The following PLCL2 variants were observed in gnomAD, a reference collection of about 807,000 sequenced individuals.
PLCL2 encodes phospholipase C like 2.
Under a neutral mutation model 79.6 loss-of-function variants are expected in PLCL2, and 4 were observed. The observed-to-expected ratio is 0.05, with a 90% CI of 0.02 to 0.11. The LOEUF (loss-of-function observed/expected upper bound fraction) is 0.11, where lower values mean the gene tolerates loss of function less well. PLCL2 is among the 10% of genes least tolerant of loss of function. The probability of loss-of-function intolerance (pLI) is 1.00; values close to 1 mark genes in which losing one functional copy is unlikely to be tolerated. For synonymous variants in PLCL2, 484 were observed against 457.7 expected (o/e 1.06, Z -0.73); for missense variants, 895 against 1,291.0 (o/e 0.69, Z 4.70).
rs1480554157 is a variant in PLCL2 at position 17,010,993 on chromosome 3, T to C, written c.1647T>C (p.Asn549=). 3.1e-6 allele frequency: 5 copies of C among 1,613,796 alleles called. No individual in the cohort carries two copies. In the African/African-American group the frequency reaches 5.3e-5, roughly 17 times the overall value. Residue 549 remains asparagine (N), a synonymous_variant, in exon 2 of 6, where the codon AAT becomes AAC. Coordinates refer to ENST00000615277, the MANE Select transcript of PLCL2 (RefSeq NM_001144382.2). The surrounding 1 kb of genome is among the most constrained non-coding windows in gnomAD (Gnocchi z 5.8). ...LGDKLYTTSP[N]VEESYLPSPD... is the part of the protein sequence containing the mutation. ...ACAAGCTCTATACAACATCACCCAA[T>C]GTTGAGGAATCTTATCTACCATCCC... is the stretch of plus-strand genomic sequence containing the variant.
At chr3:16,963,431 A>G (rs1268478076) in intron 1 of PLCL2, among the ~76,000 whole-genome samples, 1 of 152,186 alleles carries the variant, frequency 6.6e-6, no homozygotes, top group Non-Finnish European at 1.5e-5. Flanking sequence ...GAAAATGTAT[A>G]TTAGTAATTC....
At chr3:17,002,929 T>TA (rs1433107780) in intron 1 of PLCL2, among the ~76,000 whole-genome samples, 2 of 152,122 alleles carry the variant, frequency 1.3e-5, no homozygotes, top group African/African-American at 2.4e-5. Context: ...GTTTTTTTTT[T>TA]AACAGTATTT....
chr3:17,072,364 C>T (rs1024146497), intron 5 of PLCL2, among the ~76,000 whole-genome samples: 1 of 151,974 alleles, frequency 6.6e-6, no homozygotes, highest in Middle Eastern at 3.4e-3. Context: ...GTTGGTTGTC[C>T]TGCTATGAAA....
chr3:17,072,639 A>T lies in PLCL2; in HGVS notation c.3204+4574A>T, dbSNP rs1224655922. ...AGCCAAGATCATGCCACTGCACTCC[A>T]GCCTGGGTGACAGAGCGAGACTGTC... On this transcript the variant is annotated intron_variant, in intron 5 of 5. Coordinates refer to ENST00000615277, the MANE Select transcript of PLCL2 (RefSeq NM_001144382.2). 2.0e-5 allele frequency among the ~76,000 whole-genome samples: 3 copies of T among 151,054 alleles called. No individual in the cohort carries two copies. The South Asian group carries it at 6.3e-4, about 32-fold the overall frequency.
chr3:17,069,157 A>G (rs2065038206), intron 5 of PLCL2, among the ~76,000 whole-genome samples: 1 of 152,200 alleles, frequency 6.6e-6, no homozygotes, highest in South Asian at 2.1e-4. Context: ...CTTGATGCAT[A>G]CAAACCCTTC....
intron 1 of PLCL2, among the ~76,000 whole-genome samples, chr3:16,939,919 C>A (rs564714345): frequency 6.6e-6 from 1 of 152,240 alleles, no homozygotes; most frequent in East Asian, 1.9e-4. Context: ...AGGGAAGACC[C>A]AGGCACATGA....
chr3:16,974,971 C>T lies in PLCL2; in HGVS notation c.328-34703C>T, dbSNP rs184093411. ...GGAGTCTCCTGCTTCTGTTTAGTTT[C>T]GGTTCTGGTACTGGCCCTTTTTCCC... On this transcript the variant is annotated intron_variant, in intron 1 of 5. Transcript: ENST00000615277. 2.3e-3 allele frequency among the ~76,000 whole-genome samples: 346 copies of T among 152,228 alleles called. 2 individuals carry two copies. The highest frequency in any genetic ancestry group is 7.9e-3 in the African/African-American group (327 of 41,546).
At chr3:17,000,185 A>G (rs745648762) in intron 1 of PLCL2, among the ~76,000 whole-genome samples, 1 of 152,154 alleles carries the variant, frequency 6.6e-6, no homozygotes, top group Non-Finnish European at 1.5e-5. Context: ...CCTTTAAAAG[A>G]GAATAACTTT....
intron 5 of PLCL2, among the ~76,000 whole-genome samples, chr3:17,089,350 G>T (rs1055231814): frequency 2.0e-5 from 3 of 152,090 alleles, no homozygotes; most frequent in African/African-American, 7.2e-5. Context: ...GTATCCTTCT[G>T]TGAGTTTATA....
intron 5 of PLCL2, among the ~76,000 whole-genome samples, chr3:17,070,130 G>A (rs1450797900): frequency 2.0e-5 from 3 of 152,186 alleles, no homozygotes; most frequent in Non-Finnish European, 4.4e-5. Flanking sequence ...CTACTCATGT[G>A]TGGTCCGGGA....
chr3:17,046,450 G>A (rs1256681937), intron 4 of PLCL2, among the ~76,000 whole-genome samples: 1 of 152,120 alleles, frequency 6.6e-6, no homozygotes, highest in Non-Finnish European at 1.5e-5. Flanking sequence ...ATAAAGGATA[G>A]GAAGACGATC....
intron 1 of PLCL2, among the ~76,000 whole-genome samples, chr3:16,920,244 C>T (rs1190659964): frequency 2.0e-5 from 3 of 152,060 alleles, no homozygotes; most frequent in Non-Finnish European, 2.9e-5. Flanking sequence ...GGAACAGCCT[C>T]TTTAGAAGGC....
At chr3:17,066,978 T>A (rs1012093085) in intron 4 of PLCL2, among the ~76,000 whole-genome samples, 3 of 152,216 alleles carry the variant, frequency 2.0e-5, no homozygotes, top group Non-Finnish European at 4.4e-5. Flanking sequence ...GATATGTAGT[T>A]TAATTTTGGA....
intron 1 of PLCL2, among the ~76,000 whole-genome samples, chr3:16,941,153 C>T (rs1697672281): frequency 6.6e-6 from 1 of 152,204 alleles, no homozygotes; most frequent in Non-Finnish European, 1.5e-5. Flanking sequence ...GCCATCCATA[C>T]TCACAGCTTT....
At chr3:16,902,826 CAA>C (rs777160871) in intron 1 of PLCL2, among the ~76,000 whole-genome samples, 2,107 of 73,550 alleles carry the variant, frequency 0.029, 45 homozygotes, top group Admixed American at 0.074. Flanking sequence ...CACTCCATCT[CAA>C]AAAAAAAAAA....
At chr3:16,984,245 A>T (rs2064027062) in intron 1 of PLCL2, among the ~76,000 whole-genome samples, 1 of 152,158 alleles carries the variant, frequency 6.6e-6, no homozygotes, top group African/African-American at 2.4e-5. Flanking sequence ...ATTTTTAGAG[A>T]AGAAATAAGG....
chr3:16,985,161 GC>G (rs2124991173), intron 1 of PLCL2, among the ~76,000 whole-genome samples: 1 of 152,074 alleles, frequency 6.6e-6, no homozygotes, highest in African/African-American at 2.4e-5. Flanking sequence ...TTATTTTAGG[GC>G]TCAAGAGGCC....
intron 1 of PLCL2, among the ~76,000 whole-genome samples, chr3:17,007,295 A>G (rs2064271679): frequency 6.6e-6 from 1 of 152,188 alleles, no homozygotes; most frequent in Admixed American, 6.5e-5. Context: ...CTACTGGGAA[A>G]AAAAAACTAA....
rs557185928 is a variant in PLCL2 at position 16,932,899 on chromosome 3, T to C, written c.327+47533T>C. Among the ~76,000 whole-genome samples, 5 of 152,342 alleles carry C rather than the reference T, an allele frequency of 3.3e-5. No homozygotes were observed. In the East Asian group the frequency reaches 5.8e-4, roughly 18 times the overall value. Reference sequence around the variant, plus strand: ...AGTCTGTTGGAGAAGATTTTCTTTCTTTTTTCCTTCTTCTTCTTTTCTTTA... The same window carrying C: ...AGTCTGTTGGAGAAGATTTTCTTTCCTTTTTCCTTCTTCTTCTTTTCTTTA... On this transcript the variant is annotated intron_variant, in intron 1 of 5. Coordinates refer to ENST00000615277, the MANE Select transcript of PLCL2 (RefSeq NM_001144382.2).
Sources: gnomAD v4.1 joint callset for allele counts (sites outside exome capture counted in the v4.1 genomes callset) on GRCh38, gnomAD v4.1.1 for gene constraint, Gnocchi (gnomAD v3.1) non-coding constraint, MANE v1.5 for transcripts, NCBI Gene and HGNC (gene_info 2026-07-23, HGNC 2026-07-21) for gene names.